The following MEOX2 variants were observed in gnomAD, a reference collection of about 807,000 sequenced individuals.
MEOX2 encodes the protein mesenchyme homeobox 2.
MEOX2 carries 11 observed loss-of-function variants against 27.0 expected under a neutral mutation model. The ratio of observed to expected loss-of-function variants is 0.41; its 90% confidence interval spans 0.26 to 0.68. MEOX2 has a LOEUF of 0.68. MEOX2 is among the 30% of genes least tolerant of loss of function. MEOX2 has a pLI of 0.33. For synonymous variants in MEOX2, 189 were observed against 155.4 expected, an observed-to-expected ratio of 1.22 and a Z score of -1.61; for missense variants, 436 against 385.4, an observed-to-expected ratio of 1.13 and a Z score of -1.10.
At chr7:15,674,684 G>C (rs190377191) in intron 1 of MEOX2, among the ~76,000 whole-genome samples, 1 of 151,878 alleles carries the variant, frequency 6.6e-6, no homozygotes, top group Non-Finnish European at 1.5e-5. Flanking sequence ...TGAGAGTCTT[G>C]TAAGAACTAA....
At chr7:15,634,748 C>T (rs57501674) in intron 1 of MEOX2, among the ~76,000 whole-genome samples, 2,306 of 152,038 alleles carry the variant, frequency 0.015, 62 homozygotes, top group African/African-American at 0.053. Context: ...ACTGTGGTCA[C>T]GCCTTGTCTC....
intron 2 of MEOX2, among the ~76,000 whole-genome samples, chr7:15,618,467 AATG>A (rs1270541801): frequency 6.6e-6 from 1 of 152,026 alleles, no homozygotes; most frequent in Non-Finnish European, 1.5e-5. Context: ...GACCAACTAG[AATG>A]ATGGTCTTTG....
At chr7:15,650,583 G>A (rs764208484) in intron 1 of MEOX2, among the ~76,000 whole-genome samples, 1 of 152,038 alleles carries the variant, frequency 6.6e-6, no homozygotes, top group African/African-American at 2.4e-5. Flanking sequence ...TTTACTGAAT[G>A]CTTCCTATGT....
intron 1 of MEOX2, 111 bp downstream of exon 1, chr7:15,685,775 A>G: frequency 7.1e-7 from 1 of 1,413,966 alleles, no homozygotes; most frequent in Admixed American, 2.3e-5. Flanking sequence ...AGAGGGCAAC[A>G]CATTCCCATC....
Position 15,626,734 on chromosome 7 carries a change from G to A in MEOX2, c.690+12C>T, listed in dbSNP as rs1781314569. ...TTAAAAAAGATCATATAATGATAAT[G>A]CCCAGCTTTACCTGTCTTTCAGTGA... On this transcript the variant is annotated intron_variant, in intron 2 of 2. Transcript: ENST00000262041. 1.6e-5 allele frequency: 25 copies of A among 1,593,624 alleles called. No individual in the cohort carries two copies. The East Asian group carries it at 5.6e-4, about 36-fold the overall frequency.
chr7:15,612,539 G>A lies in MEOX2; in HGVS notation c.763C>T (p.Arg255Trp), dbSNP rs868107417. The change falls in exon 3 of 3, where the codon CGG becomes TGG. Residue 255 changes from arginine (R) to tryptophan (W), a missense_variant. Coordinates refer to ENST00000262041, the MANE Select transcript of MEOX2 (RefSeq NM_005924.5). ...VKGGQQGAAAREKELVNVKKG... is the reference protein window; with the variant it reads ...VKGGQQGAAAWEKELVNVKKG... ...TTCACATTCACCAGTTCCTTTTCCC[G>A]AGCCGCAGCTCCTTGCTGTCCACCC... 6.2e-7 allele frequency: 1 copy of A among 1,614,080 alleles called. No homozygotes were observed. The highest frequency in any genetic ancestry group is 8.5e-7 in the Non-Finnish European group (1 of 1,180,018).
At chr7:15,685,727 C>T (rs886184795) in intron 1 of MEOX2, among the ~76,000 whole-genome samples, 159 bp downstream of exon 1, 1 of 152,226 alleles carries the variant, frequency 6.6e-6, no homozygotes, top group Non-Finnish European at 1.5e-5. Flanking sequence ...AATATCAGGA[C>T]CAAAGCTTCA....
At chr7:15,639,579 T>C (rs992439306) in intron 1 of MEOX2, among the ~76,000 whole-genome samples, 1 of 148,392 alleles carries the variant, frequency 6.7e-6, no homozygotes, top group Admixed American at 6.6e-5. Flanking sequence ...GATTTTCCTC[T>C]TTTTTTTATA....
At chr7:15,676,567 T>C (rs958979640) in intron 1 of MEOX2, among the ~76,000 whole-genome samples, 1 of 152,080 alleles carries the variant, frequency 6.6e-6, no homozygotes, top group African/African-American at 2.4e-5. Context: ...CTCTGTACAC[T>C]CCTTTTAAAA....
In MEOX2 at chr7:15,612,063, A is replaced by C. The variant is rs574610145; in HGVS notation, c.*324T>G. The stretch of plus-strand genomic sequence containing the variant: ...ACTCTGGAGACATCTTGAATAAAAA[A>C]CCGTTCATAGTTTGCTCTTGATAGC... On this transcript the variant is annotated 3_prime_UTR_variant, in exon 3 of 3. Transcript: ENST00000262041. 1 of 314,848 alleles carries C rather than the reference A, an allele frequency of 3.2e-6. No individual in the cohort carries two copies. Among genetic ancestry groups the C allele is most frequent in the African/African-American group, 2.1e-5 (1 of 47,946 alleles). The allele number at this position is 314,848 out of a possible 1,614,324, so 19.5% of individuals were successfully genotyped here. A position where few individuals can be genotyped will look rare whatever the true frequency, so the allele number is the denominator to read the frequency against.
rs181518873 is a variant in MEOX2, at chr7:15,645,847, T to C, written c.518-18929A>G. On this transcript the variant is annotated intron_variant, in intron 1 of 2. Coordinates refer to ENST00000262041, the MANE Select transcript of MEOX2 (RefSeq NM_005924.5). ...TATACCTTGTATTCTGAGAAATGTGTATGAATATTTTTGTGCCACAAGCAT... is the reference window on the plus strand; with the variant it reads ...TATACCTTGTATTCTGAGAAATGTGCATGAATATTTTTGTGCCACAAGCAT... 2.6e-5 allele frequency among the ~76,000 whole-genome samples: 4 copies of C among 152,256 alleles called. No individual in the cohort carries two copies. In the East Asian group the frequency reaches 7.7e-4, roughly 29 times the overall value.
At chr7:15,641,075 A>C (rs911592250) in intron 1 of MEOX2, among the ~76,000 whole-genome samples, 3 of 152,060 alleles carry the variant, frequency 2.0e-5, no homozygotes, top group African/African-American at 7.2e-5. Flanking sequence ...GATTTCTTGG[A>C]ATAATTTCAG....
intron 1 of MEOX2, among the ~76,000 whole-genome samples, chr7:15,663,731 ATAAAT>A (rs1468288291): frequency 5.3e-5 from 8 of 152,220 alleles, no homozygotes; most frequent in Non-Finnish European, 8.8e-5. Flanking sequence ...TGGGACTATT[ATAAAT>A]TAAATTAAAC....
At position 15,626,917 on chromosome 7, in the gene MEOX2, G is replaced by C. The variant is rs1202879133; in HGVS notation, c.519C>G (p.Asp173Glu). Residue 173 changes from aspartate to glutamate, a missense_variant and splice_region_variant, in exon 2 of 3, where the codon GAC (aspartate) becomes GAG (glutamate). Physicochemically the swap from Asp to Glu is conservative, Grantham distance 45 (BLOSUM62 2). Transcript: ENST00000262041. ...CTGACTTGTAATTTCCTTCCTGGGA[G>C]TCTGAAAAAAAAGGGAGACAGAATT... The part of the protein sequence containing the change: ...SGGKRKSDSS[D>E]SQEGNYKSEV... 6.2e-7 allele frequency: 1 copy of C among 1,608,844 alleles called. No homozygotes were observed. Among genetic ancestry groups the C allele is most frequent in the Non-Finnish European group, 8.5e-7 (1 of 1,178,112 alleles).
Position 15,612,630 on chromosome 7 carries a change from A to G in MEOX2, c.691-19T>C, listed in dbSNP as rs1781050697. 4 of 1,601,114 alleles carry G rather than the reference A, an allele frequency of 2.5e-6. No individual in the cohort carries two copies. In the South Asian group the frequency reaches 3.3e-5, roughly 13 times the overall value. Reference sequence around the variant, plus strand: ...CTTTCACCTTCAACCAAGAAAGGGAACAAACAAACAGAAAAAAAGAGATAA... The same window carrying G: ...CTTTCACCTTCAACCAAGAAAGGGAGCAAACAAACAGAAAAAAAGAGATAA... On this transcript the variant is annotated intron_variant, in intron 2 of 2. Coordinates refer to ENST00000262041, the MANE Select transcript of MEOX2 (RefSeq NM_005924.5).
intron 1 of MEOX2, among the ~76,000 whole-genome samples, chr7:15,650,050 TAATA>T (rs1781712137): frequency 6.6e-6 from 1 of 152,072 alleles, no homozygotes; most frequent in African/African-American, 2.4e-5. Flanking sequence ...TAAGGATCAG[TAATA>T]AATAGAGGTG....
chr7:15,632,666 A>T (rs907244946), intron 1 of MEOX2, among the ~76,000 whole-genome samples: 1 of 151,948 alleles, frequency 6.6e-6, no homozygotes, highest in African/African-American at 2.4e-5. Context: ...ACTTGCGTCA[A>T]ATTTGACACA....
chr7:15,660,300 A>G (rs969215272), intron 1 of MEOX2, among the ~76,000 whole-genome samples: 6 of 152,210 alleles, frequency 3.9e-5, no homozygotes, highest in Non-Finnish European at 7.3e-5. Context: ...AATTAGCAGG[A>G]GAGTGTAGGC....
intron 1 of MEOX2, among the ~76,000 whole-genome samples, chr7:15,684,833 AT>A (rs1306879273): frequency 4.6e-5 from 7 of 152,270 alleles, no homozygotes; most frequent in African/African-American, 1.4e-4. Flanking sequence ...AAGTCTCTTA[AT>A]TTTAAAGTAT....
Sources: gnomAD v4.1 joint callset for allele counts (sites outside exome capture counted in the v4.1 genomes callset) on GRCh38, gnomAD v4.1.1 for gene constraint, MANE v1.5 for transcripts, NCBI Gene and HGNC (gene_info 2026-07-23, HGNC 2026-07-21) for gene names.